OTOG: variants seen among roughly 807,000 people sequenced by gnomAD.
OTOG encodes the protein otogelin.
OTOG carries 296 observed loss-of-function variants against 313.8 expected under a neutral mutation model. The ratio of observed to expected loss-of-function variants is 0.94; its 90% confidence interval spans 0.86 to 1.04. The LOEUF is 1.04. OTOG is among the 50% of genes least tolerant of loss of function. The pLI, the probability that OTOG is intolerant of heterozygous loss-of-function variation, is 0.00. For missense variants in OTOG, 3,948 were observed against 3,840.1 expected, an observed-to-expected ratio of 1.03 and a Z score of -0.74; for synonymous variants, 1,533 against 1,554.9, an observed-to-expected ratio of 0.99 and a Z score of 0.33.
chr11:17,573,388 T>A (rs1565098890), intron 19 of OTOG, 98 bp downstream of exon 19: 1 of 1,297,024 alleles, frequency 7.7e-7, no homozygotes, highest in Non-Finnish European at 1.0e-6. Context: ...TGCCCTCCAG[T>A]CTCCTCCAGC....
chr11:17,579,214 T>C (rs1427296733), intron 23 of OTOG, among the ~76,000 whole-genome samples: 1 of 152,166 alleles, frequency 6.6e-6, no homozygotes, highest in East Asian at 1.9e-4. Flanking sequence ...CTTCAGCTTA[T>C]GCAGAGATTA....
intron 24 of OTOG, 38 bp from the exon 25 acceptor site, chr11:17,591,412 G>C (rs1852929152): frequency 1.3e-6 from 2 of 1,549,056 alleles, no homozygotes; most frequent in Non-Finnish European, 8.7e-7. Context: ...TATGGGGTGG[G>C]TGTGCCCTGT....
At position 17,635,657 on chromosome 11, in the gene OTOG, G is replaced by T; in HGVS notation, c.7741G>T (p.Ala2581Ser). The change falls in exon 47 of 56, where the codon GCG becomes TCG. Residue 2581 changes from alanine to serine, a missense_variant. By Grantham distance (99) the Ala-to-Ser change is moderately conservative. Transcript: ENST00000399397. Reference sequence around the variant, plus strand: ...CATCCCCGAATGTCAAGAAGGGGAGGCGCTCACTGTGCACAGGAATACCAC... The same window carrying T: ...CATCCCCGAATGTCAAGAAGGGGAGTCGCTCACTGTGCACAGGAATACCAC... ...DSIPECQEGE[A>S]LTVHRNTTEL... is the part of the protein sequence containing the mutation. 6.4e-7 allele frequency: 1 copy of T among 1,550,554 alleles called. No homozygotes were observed. The highest frequency in any genetic ancestry group is 8.7e-7 in the Non-Finnish European group (1 of 1,146,966).
In OTOG at chr11:17,547,448, C is replaced by T. The variant is rs947155842; in HGVS notation, c.76C>T (p.Leu26=). 30 of 1,382,008 alleles carry T rather than the reference C, an allele frequency of 2.2e-5. No homozygotes were observed. In the African/African-American group the frequency reaches 4.4e-4, roughly 20 times the overall value. The allele number at this position is 1,382,008 out of a possible 1,614,324, so 85.6% of individuals were successfully genotyped here. Residue 26 remains leucine (L), a synonymous_variant, in exon 1 of 56, where the codon CTG becomes TTG. Coordinates refer to ENST00000399397, the MANE Select transcript of OTOG (RefSeq NM_001292063.2). ...CTGGGGTGAGCAGGCAGCCGAGTCC[C>T]TGCGGGTGCAGCGCCTCGGTGAGAG... The part of the protein sequence containing the change: ...LPWGEQAAES[L]RVQRLAAAPV...
chr11:17,641,921 C>T lies in OTOG; in HGVS notation c.8265C>T (p.Thr2755=). 1.3e-6 allele frequency: 2 copies of T among 1,550,360 alleles called. No homozygotes were observed. Among genetic ancestry groups the T allele is most frequent in the African/African-American group, 1.4e-5 (1 of 73,154 alleles). Residue 2755 remains threonine, a synonymous_variant, in exon 52 of 56, where the codon ACC becomes ACT. Coordinates refer to ENST00000399397, the MANE Select transcript of OTOG (RefSeq NM_001292063.2). ...GSCRNVSCLF[T]FPNGTTSLFL... ...GCAGGAACGTGTCCTGTCTCTTCAC[C>T]TTCCCCAATGGCACCACCTCCCTGT...
intron 39 of OTOG, among the ~76,000 whole-genome samples, chr11:17,624,418 C>A (rs1853935678): frequency 6.6e-6 from 1 of 152,116 alleles, no homozygotes; most frequent in South Asian, 2.1e-4. Context: ...GAGTACTTTA[C>A]CTATTGCTTG....
At chr11:17,562,372 A>G (rs1392795299) in intron 15 of OTOG, among the ~76,000 whole-genome samples, 2 of 152,106 alleles carry the variant, frequency 1.3e-5, no homozygotes, top group Non-Finnish European at 2.9e-5. Flanking sequence ...ATATTCCACA[A>G]TTTTTGAAAA....
chr11:17,592,741 G>A (rs1852980021), intron 25 of OTOG, among the ~76,000 whole-genome samples: 1 of 152,110 alleles, frequency 6.6e-6, no homozygotes, highest in Non-Finnish European at 1.5e-5. Flanking sequence ...GGACATTTAG[G>A]TTGTCTCCAA....
chr11:17,612,358 T>A (rs1238700899), intron 37 of OTOG, 28 bp downstream of exon 37: 1 of 1,505,170 alleles, frequency 6.6e-7, no homozygotes, highest in Admixed American at 2.0e-5. Flanking sequence ...CGGAGCCTCC[T>A]GCATCCTCCC....
chr11:17,574,994 G>C, intron 20 of OTOG, 82 bp downstream of exon 20: 1 of 1,339,170 alleles, frequency 7.5e-7, no homozygotes, highest in Non-Finnish European at 9.9e-7. Flanking sequence ...GGGGAACCTG[G>C]CTGGGCCTCT....
At chr11:17,584,642 A>G (rs993138641) in intron 23 of OTOG, among the ~76,000 whole-genome samples, 2 of 152,000 alleles carry the variant, frequency 1.3e-5, no homozygotes, top group African/African-American at 2.4e-5. Flanking sequence ...TTTTATGCCT[A>G]AATCTCCAGA....
intron 39 of OTOG, among the ~76,000 whole-genome samples, chr11:17,620,387 G>T (rs2134109837): frequency 6.6e-6 from 1 of 152,196 alleles, no homozygotes; most frequent in East Asian, 1.9e-4. Flanking sequence ...CCATGTTTTG[G>T]GGGTTCATCC....
intron 23 of OTOG, among the ~76,000 whole-genome samples, chr11:17,579,854 C>T (rs1177163507): frequency 6.6e-5 from 10 of 152,124 alleles, no homozygotes; most frequent in East Asian, 1.9e-4. Flanking sequence ...ACCGGGAGAC[C>T]GGGCTCTGGG....
At chr11:17,643,528 C>A in intron 54 of OTOG, 22 bp downstream of exon 54, 2 of 1,405,776 alleles carry the variant, frequency 1.4e-6, no homozygotes, top group Admixed American at 2.8e-5. Context: ...TGGTGGGGGC[C>A]CAGGGGTGGG....
chr11:17,590,956 C>T (rs957649887), intron 24 of OTOG, among the ~76,000 whole-genome samples: 3 of 152,224 alleles, frequency 2.0e-5, no homozygotes, highest in Non-Finnish European at 2.9e-5. Context: ...CCTGCTCCCC[C>T]ATAACACTCA....
chr11:17,561,335 A>G (rs1304100294), intron 14 of OTOG, among the ~76,000 whole-genome samples, 198 bp downstream of exon 14: 1 of 152,194 alleles, frequency 6.6e-6, no homozygotes. Context: ...AGGGTTTTCC[A>G]TGAGGAGAAG....
chr11:17,639,086 A>G (rs1325691195), intron 48 of OTOG, among the ~76,000 whole-genome samples: 2 of 152,218 alleles, frequency 1.3e-5, no homozygotes, highest in African/African-American at 4.8e-5. Context: ...TAAAAAGAAT[A>G]GGCTCTGGAC....
intron 20 of OTOG, among the ~76,000 whole-genome samples, chr11:17,576,229 C>G (rs891000794): frequency 9.9e-5 from 15 of 152,232 alleles, no homozygotes; most frequent in African/African-American, 2.9e-4. Context: ...CCTGACATGG[C>G]ATGGGCTCAG....
In OTOG at chr11:17,609,869, A is replaced by G. The variant is rs1853481766; in HGVS notation, c.4569A>G (p.Pro1523=). 4 of 1,516,304 alleles carry G rather than the reference A, an allele frequency of 2.6e-6. No homozygotes were observed. In the South Asian group the frequency reaches 3.8e-5, roughly 14 times the overall value. The allele number at this position is 1,516,304 out of a possible 1,614,324, so 93.9% of individuals were successfully genotyped here. Residue 1523 remains proline (P), a synonymous_variant, in exon 36 of 56, where the codon CCA becomes CCG. Transcript: ENST00000399397. ...CCACTGAGGAGCCAGTGGTGTCTCC[A>G]GGCCCCACCCAGACCACCCTGCAGC... is the stretch of plus-strand genomic sequence containing the variant. The part of the protein sequence containing the change: ...VTATEEPVVS[P]GPTQTTLQQP...
Sources: allele counts gnomAD v4.1 joint callset (sites outside exome capture counted in the v4.1 genomes callset), GRCh38; gene constraint gnomAD v4.1.1; transcripts MANE v1.5; gene names NCBI Gene and HGNC (gene_info 2026-07-23, HGNC 2026-07-21).